The following FHIT variants were observed in gnomAD, a reference collection of about 807,000 sequenced individuals.
FHIT encodes fragile histidine triad diadenosine triphosphatase.
FHIT carries 19 observed loss-of-function variants against 17.9 expected under a neutral mutation model. The ratio of observed to expected loss-of-function variants is 1.06; its 90% CI spans 0.74 to 1.56. FHIT has a LOEUF of 1.56. FHIT is among the 40% of genes most tolerant of loss of function. The pLI is 0.00. For synonymous variants in FHIT, 81 were observed against 69.7 expected (o/e 1.16, Z -0.81); for missense variants, 248 against 189.2 (o/e 1.31, Z -1.82).
chr3:60,014,900 CAT>C (rs1434065139), intron 5 of FHIT, among the ~76,000 whole-genome samples: 2 of 152,032 alleles, frequency 1.3e-5, no homozygotes, highest in Non-Finnish European at 2.9e-5. Context: ...GTCTCAGCAA[CAT>C]ATAAGATCTG....
At chr3:60,197,691 AGG>A (rs1702709334) in intron 5 of FHIT, among the ~76,000 whole-genome samples, 1 of 152,170 alleles carries the variant, frequency 6.6e-6, no homozygotes, top group Admixed American at 6.5e-5. Context: ...GTAGTGGTAG[AGG>A]GGGTCAAATG....
chr3:59,968,254 T>A (rs1708019742), intron 7 of FHIT, among the ~76,000 whole-genome samples: 1 of 152,038 alleles, frequency 6.6e-6, no homozygotes, highest in South Asian at 2.1e-4. Flanking sequence ...GACTCTCCAC[T>A]CCAGGTGATG....
chr3:60,547,248 G>T (rs766128820), intron 4 of FHIT, among the ~76,000 whole-genome samples: 8 of 152,160 alleles, frequency 5.3e-5, no homozygotes, highest in Non-Finnish European at 1.2e-4. Context: ...CATCTTCAGG[G>T]AACTGCTTCT....
intron 4 of FHIT, among the ~76,000 whole-genome samples, chr3:60,585,827 T>C (rs2037888102): frequency 6.6e-6 from 1 of 151,974 alleles, no homozygotes; most frequent in African/African-American, 2.4e-5. Flanking sequence ...TTATAGGCAT[T>C]ATTACAGTTG....
Position 60,402,412 on chromosome 3 carries a change from T to G in FHIT, c.103+134448A>C, listed in dbSNP as rs754617704. Among the ~76,000 whole-genome samples the G allele has an allele frequency of 1.9e-4, 29 of 152,302 alleles. 1 individual carries two copies. Among genetic ancestry groups the G allele is most frequent in the South Asian group, 4.1e-4 (2 of 4,826 alleles). On this transcript the variant is annotated intron_variant, in intron 5 of 9. Transcript: ENST00000492590. ...TTCCCAACTTTTTGGGCCATGAAAT[T>G]TATTATTATCAACTCCAGGTATAGT...
chr3:60,546,924 A>T (rs1245412085), intron 4 of FHIT, among the ~76,000 whole-genome samples: 3 of 152,120 alleles, frequency 2.0e-5, no homozygotes. Flanking sequence ...TTGTGGTAAA[A>T]ATCCTCCCCA....
At chr3:60,476,160 G>A (rs1215729885) in intron 5 of FHIT, among the ~76,000 whole-genome samples, 2 of 152,174 alleles carry the variant, frequency 1.3e-5, no homozygotes, top group Non-Finnish European at 2.9e-5. Context: ...TGCACCATTT[G>A]CAAAGTTATT....
chr3:60,439,810 A>G (rs116745267), intron 5 of FHIT, among the ~76,000 whole-genome samples: 2,347 of 152,242 alleles, frequency 0.015, 69 homozygotes, highest in African/African-American at 0.052. Flanking sequence ...TTGCTGCTCA[A>G]GAAACAAAAG....
At chr3:60,512,587 T>A (rs1412041647) in intron 5 of FHIT, among the ~76,000 whole-genome samples, 1 of 152,204 alleles carries the variant, frequency 6.6e-6, no homozygotes, top group Non-Finnish European at 1.5e-5. Context: ...AAACTGTGTC[T>A]TTTACAGTGG....
chr3:60,158,558 C>T lies in FHIT; in HGVS notation c.104-144406G>A, dbSNP rs550127665. Among the ~76,000 whole-genome samples, 15 of 152,202 alleles carry T rather than the reference C, an allele frequency of 9.9e-5. No homozygotes were observed. The South Asian group carries it at 1.9e-3, about 19-fold the overall frequency. ...AACTCCTGACCTCAGATGATCCGCCCGCCTCTGCCTTGCAAAGTGCTGGGA... is the reference window on the plus strand; with the variant it reads ...AACTCCTGACCTCAGATGATCCGCCTGCCTCTGCCTTGCAAAGTGCTGGGA... On this transcript the variant is annotated intron_variant, in intron 5 of 9. Coordinates refer to ENST00000492590, the MANE Select transcript of FHIT (RefSeq NM_002012.4).
intron 8 of FHIT, among the ~76,000 whole-genome samples, chr3:59,904,515 C>A (rs576848579): frequency 6.6e-6 from 1 of 152,250 alleles, no homozygotes; most frequent in South Asian, 2.1e-4. Context: ...AGACTGAAGT[C>A]ATGATTTTGA....
intron 5 of FHIT, among the ~76,000 whole-genome samples, chr3:60,247,549 T>C (rs1576365469): frequency 1.3e-5 from 2 of 152,184 alleles, no homozygotes; most frequent in South Asian, 4.1e-4. Flanking sequence ...ATTAAACATT[T>C]GGCATTCTTG....
At chr3:60,116,877 T>C (rs985354677) in intron 5 of FHIT, among the ~76,000 whole-genome samples, 2 of 137,086 alleles carry the variant, frequency 1.5e-5, no homozygotes, top group Non-Finnish European at 3.4e-5. Context: ...AGTAACAAAA[T>C]TTCCCTTCTA....
At chr3:60,402,253 T>G (rs1392086649) in intron 5 of FHIT, among the ~76,000 whole-genome samples, 1 of 152,186 alleles carries the variant, frequency 6.6e-6, no homozygotes, top group Non-Finnish European at 1.5e-5. Flanking sequence ...CCTCTCTAAA[T>G]CTAAGAATAA....
chr3:59,932,389 T>C (rs749628568), intron 7 of FHIT, among the ~76,000 whole-genome samples: 1 of 152,138 alleles, frequency 6.6e-6, no homozygotes, highest in Admixed American at 6.5e-5. Context: ...AAACAGGGCA[T>C]GTAGGAAGAA....
At chr3:60,186,955 G>C (rs1025884024) in intron 5 of FHIT, among the ~76,000 whole-genome samples, 1 of 152,002 alleles carries the variant, frequency 6.6e-6, no homozygotes. Flanking sequence ...TCTTATTAAA[G>C]CTTTGTGATT....
At chr3:60,220,000 T>C (rs1422349593) in intron 5 of FHIT, among the ~76,000 whole-genome samples, 1 of 152,150 alleles carries the variant, frequency 6.6e-6, no homozygotes, top group Non-Finnish European at 1.5e-5. Flanking sequence ...GAGTGGCTCA[T>C]GGACATCAGT....
At chr3:59,927,633 G>C (rs1485223202) in intron 7 of FHIT, among the ~76,000 whole-genome samples, 2 of 151,866 alleles carry the variant, frequency 1.3e-5, no homozygotes, top group African/African-American at 4.8e-5. Flanking sequence ...GCCAGGCGTG[G>C]TGGCACATGC....
intron 8 of FHIT, among the ~76,000 whole-genome samples, chr3:59,764,863 A>AAC (rs57549363): frequency 1.3e-3 from 188 of 145,766 alleles, no homozygotes; most frequent in African/African-American, 4.5e-3. Flanking sequence ...GGCAACTGCA[A>AAC]ACACACACAC....
Sources: allele counts gnomAD v4.1 joint callset (sites outside exome capture counted in the v4.1 genomes callset), GRCh38; gene constraint gnomAD v4.1.1; transcripts MANE v1.5; gene names NCBI Gene and HGNC (gene_info 2026-07-23, HGNC 2026-07-21).